The following KRT4 variants were observed in gnomAD, a reference collection of about 807,000 sequenced individuals.
KRT4 encodes the protein keratin, type II cytoskeletal 4.
A neutral mutation model predicts 50.6 loss-of-function variants in KRT4; 47 were observed. That is an observed-to-expected ratio of 0.93 (90% CI 0.73 to 1.18). KRT4 has a LOEUF of 1.18. Among genes scored for constraint, KRT4 ranks in the 50% most tolerant of loss-of-function variants. KRT4 has a pLI of 0.00. For synonymous variants in KRT4, 254 were observed against 251.2 expected (o/e 1.01, Z -0.10); for missense variants, 651 against 645.7 (o/e 1.01, Z -0.09).
Position 52,810,822 on chromosome 12 carries a change from G to T in KRT4, c.678-6C>A, listed in dbSNP as rs1939897172. On this transcript the variant is annotated splice_polypyrimidine_tract_variant and splice_region_variant and intron_variant, in intron 2 of 8. Coordinates refer to ENST00000551956, the MANE Select transcript of KRT4 (RefSeq NM_002272.4). ...TGTTGATCTCCTCTTCATACCTGGGGGTGGGCACGGGGAGAAAAAGACAAA... is the reference window on the plus strand; with the variant it reads ...TGTTGATCTCCTCTTCATACCTGGGTGTGGGCACGGGGAGAAAAAGACAAA... 1 of 1,612,854 alleles carries T rather than the reference G, an allele frequency of 6.2e-7. No individual in the cohort carries two copies. The highest frequency in any genetic ancestry group is 1.7e-5 in the Admixed American group (1 of 59,986).
At chr12:52,813,543 G>A (rs1013330761) in intron 1 of KRT4, 54 bp downstream of exon 1, 364 of 1,509,686 alleles carry the variant, frequency 2.4e-4, no homozygotes, top group Non-Finnish European at 3.2e-4. Context: ...GAGACCCCAG[G>A]ACTCAGGACC....
chr12:52,810,440 G>C (rs11170282), intron 3 of KRT4, among the ~76,000 whole-genome samples: 1 of 151,858 alleles, frequency 6.6e-6, no homozygotes, highest in Non-Finnish European at 1.5e-5. Context: ...CCAGCTACTC[G>C]GGAGGCTGAG....
chr12:52,807,550 C>A (rs1169606116), intron 7 of KRT4, 94 bp downstream of exon 7: 2 of 1,518,604 alleles, frequency 1.3e-6, no homozygotes, highest in African/African-American at 2.7e-5. Context: ...TGCACCGGCA[C>A]AACACTGATG....
At chr12:52,810,696 G>T in intron 3 of KRT4, 60 bp downstream of exon 3, 2 of 1,402,850 alleles carry the variant, frequency 1.4e-6, no homozygotes, top group African/African-American at 1.4e-5. Flanking sequence ...TTCAGCCAAA[G>T]ACCACTCCCC....
intron 1 of KRT4, 122 bp downstream of exon 1, chr12:52,813,475 G>A: frequency 1.2e-6 from 1 of 858,726 alleles, no homozygotes; most frequent in Admixed American, 1.9e-5. Flanking sequence ...AACAGCTGGA[G>A]AATTGGGGCC....
In KRT4 at chr12:52,813,742, G is replaced by A; in HGVS notation, c.317C>T (p.Ala106Val). 1 of 1,614,248 alleles carries A rather than the reference G, an allele frequency of 6.2e-7. No homozygotes were observed. Among genetic ancestry groups the A allele is most frequent in the Non-Finnish European group, 8.5e-7 (1 of 1,180,038 alleles). The change falls in exon 1 of 9, where the codon GCT becomes GTT. Residue 106 changes from alanine to valine, a missense_variant. Transcript: ENST00000551956. The part of the protein sequence containing the change: ...KGGPGFPVCP[A>V]GGIQEVTINQ... ...GATGGTGACCTCCTGAATTCCCCCA[G>A]CGGGGCAGACGGGGAAGCCAGGGCC...
chr12:52,811,173 T>G (rs907283729), intron 2 of KRT4, among the ~76,000 whole-genome samples: 3 of 152,206 alleles, frequency 2.0e-5, no homozygotes, highest in African/African-American at 7.2e-5. Context: ...TCCCTTTGTT[T>G]GGTGGGTGAG....
chr12:52,806,987 G>T lies in KRT4; in HGVS notation c.*82C>A. The T allele has an allele frequency of 7.6e-7, 1 of 1,320,430 alleles. No individual in the cohort carries two copies. Among genetic ancestry groups the T allele is most frequent in the Non-Finnish European group, 1.1e-6 (1 of 916,504 alleles). 81.8% of individuals were successfully genotyped at this position (1,320,430 alleles called of 1,614,324 possible). A position where few individuals can be genotyped will look rare whatever the true frequency, so the allele number is the denominator to read the frequency against. ...AGTAAGATGAGCCCCAGAGACAGAG[G>T]ATGGAGGTGAAGTGAAGGAAGCACA... On this transcript the variant is annotated 3_prime_UTR_variant, in exon 9 of 9. Coordinates refer to ENST00000551956, the MANE Select transcript of KRT4 (RefSeq NM_002272.4).
At chr12:52,809,513 C>G (rs1325198739) in intron 3 of KRT4, 35 bp from the exon 4 acceptor site, 2 of 1,455,178 alleles carry the variant, frequency 1.4e-6, no homozygotes, top group African/African-American at 2.8e-5. Flanking sequence ...AGATGAGGAG[C>G]AGGAATGCCA....
In KRT4 at chr12:52,811,862, C is replaced by T; in HGVS notation, c.578G>A (p.Ser193Asn). ...GGTATCTAGCTGCTTCCTCAGGACA[C>T]TGAGGTAGGTCTCAAAGAGGGGCTC... ...NLEPLFETYL[S>N]VLRKQLDTLG... Residue 193 changes from serine (S) to asparagine (N), a missense_variant, in exon 2 of 9, where the codon AGT becomes AAT. Coordinates refer to ENST00000551956, the MANE Select transcript of KRT4 (RefSeq NM_002272.4). The T allele has an allele frequency of 1.2e-6, 2 of 1,614,084 alleles. No individual in the cohort carries two copies. Among genetic ancestry groups the T allele is most frequent in the Admixed American group, 1.7e-5 (1 of 60,024 alleles).
rs1939949222 is a variant in KRT4, at chr12:52,813,609, G to A, written c.450C>T (p.Ser150=). The change falls in exon 1 of 9, where the codon TCC becomes TCT. Residue 150 remains serine, a synonymous_variant. Coordinates refer to ENST00000551956, the MANE Select transcript of KRT4 (RefSeq NM_002272.4). ...GGACACAGCTCACCTTGTCGATGAA[G>A]GAGGCAAACTTGTTGTTGAGGAGCT... ...QIKLLNNKFA[S]FIDKVQFLEQ... 6.2e-7 allele frequency: 1 copy of A among 1,613,712 alleles called. No homozygotes were observed. The highest frequency in any genetic ancestry group is 1.3e-5 in the African/African-American group (1 of 74,824).
chr12:52,809,487 G>C lies in KRT4; in HGVS notation c.739-9C>G. 1 of 1,599,624 alleles carries C rather than the reference G, an allele frequency of 6.3e-7. No homozygotes were observed. The highest frequency in any genetic ancestry group is 8.6e-7 in the Non-Finnish European group (1 of 1,166,700). On this transcript the variant is annotated splice_polypyrimidine_tract_variant and intron_variant, in intron 3 of 8. Transcript: ENST00000551956. ...TAGGCAGCATCCACGTCCTGCAGAG[G>C]AGTAAGGAGGATAAGAGATGAGGAG...
Position 52,808,376 on chromosome 12 carries a change from A to C in KRT4, c.1043T>G (p.Leu348Arg). The C allele has an allele frequency of 6.2e-7, 1 of 1,614,142 alleles. No individual in the cohort carries two copies. The stretch of plus-strand genomic sequence containing the variant: ...TGCAATTTCACTCTTGGTGTTCTTC[A>C]GGTTGTCACCATGTTGGTCAACCGA... ...QISVDQHGDN[L>R]KNTKSEIAEL... Residue 348 changes from leucine to arginine, a missense_variant, in exon 6 of 9, where the codon CTG (leucine) becomes CGG (arginine). Transcript: ENST00000551956.
intron 3 of KRT4, 83 bp from the exon 4 acceptor site, chr12:52,809,561 T>A: frequency 1.0e-6 from 1 of 955,680 alleles, no homozygotes; most frequent in Non-Finnish European, 1.7e-6. Context: ...CGACAGGTGT[T>A]CTCAGCAGCA....
chr12:52,807,214 C>T lies in KRT4; in HGVS notation c.1418G>A (p.Ser473Asn). The T allele has an allele frequency of 6.2e-7, 1 of 1,614,224 alleles. No homozygotes were observed. The highest frequency in any genetic ancestry group is 8.5e-7 in the Non-Finnish European group (1 of 1,180,038). The part of the protein sequence containing the change: ...VSGSTSTGGI[S>N]GGLGSGSGFG... The stretch of plus-strand genomic sequence containing the variant: ...CCCGGAGCCACTTCCTAATCCTCCG[C>T]TGATGCCTCCAGTGCTGGTGCTACC... Residue 473 changes from serine (S) to asparagine (N), a missense_variant, in exon 9 of 9, where the codon AGC becomes AAC. Transcript: ENST00000551956.
chr12:52,809,545 T>C (rs1029224137), intron 3 of KRT4, 67 bp from the exon 4 acceptor site: 88 of 1,109,076 alleles, frequency 7.9e-5, no homozygotes, highest in Non-Finnish European at 1.2e-4. Context: ...GGTTACTAAG[T>C]GACACCGACA....
At chr12:52,807,478 G>A (rs1939820262) in intron 7 of KRT4, 85 bp from the exon 8 acceptor site, 18 of 1,559,086 alleles carry the variant, frequency 1.2e-5, no homozygotes, top group Non-Finnish European at 1.6e-5. Flanking sequence ...TCTTATCCTT[G>A]AGCAGCCTCT....
At chr12:52,808,651 C>A (rs1205486368) in intron 5 of KRT4, 35 bp downstream of exon 5, 2 of 1,611,754 alleles carry the variant, frequency 1.2e-6, no homozygotes, top group African/African-American at 1.3e-5. Flanking sequence ...AGCCCCAGAG[C>A]CAGCCCCATC....
intron 2 of KRT4, chr12:52,811,063 A>C: frequency 2.0e-6 from 1 of 496,568 alleles, no homozygotes; most frequent in South Asian, 2.4e-5. Context: ...TCGATAGAAA[A>C]CCCAGCAATG....
Sources: allele counts gnomAD v4.1 joint callset (sites outside exome capture counted in the v4.1 genomes callset), GRCh38; gene constraint gnomAD v4.1.1; transcripts MANE v1.5; gene names NCBI Gene and HGNC (gene_info 2026-07-23, HGNC 2026-07-21).